TNS1: variants seen among roughly 807,000 people sequenced by gnomAD.
The protein encoded by TNS1 is tensin-1.
Under a neutral mutation model 168.6 loss-of-function variants are expected in TNS1, and 62 were observed. The ratio of observed to expected loss-of-function variants is 0.37; its 90% CI spans 0.30 to 0.45. The LOEUF is 0.45. TNS1 is among the 20% of genes least tolerant of loss of function. The pLI, the probability that TNS1 is intolerant of heterozygous loss-of-function variation, is 1.00. For synonymous variants in TNS1, 934 were observed against 933.2 expected (o/e 1.00, Z -0.02); for missense variants, 2,240 against 2,339.4 (o/e 0.96, Z 0.88).
At chr2:217,860,585 C>G (rs1406868196) in intron 18 of TNS1, among the ~76,000 whole-genome samples, 1 of 152,182 alleles carries the variant, frequency 6.6e-6, no homozygotes, top group African/African-American at 2.4e-5. Flanking sequence ...CCCAACCAAC[C>G]CACAACAGTA....
At chr2:217,888,725 T>C (rs938666110) in intron 12 of TNS1, among the ~76,000 whole-genome samples, 32 of 152,340 alleles carry the variant, frequency 2.1e-4, no homozygotes, top group Admixed American at 1.2e-3. Context: ...CCATGTGAGA[T>C]TTGCCTTTCA....
chr2:217,976,391 C>A (rs972922974), intron 3 of TNS1, among the ~76,000 whole-genome samples: 2 of 152,216 alleles, frequency 1.3e-5, no homozygotes, highest in African/African-American at 2.4e-5. Context: ...CCCTTCCCAG[C>A]AGGAGGAAAA....
At chr2:217,978,926 G>C (rs928800167) in intron 2 of TNS1, 124 bp from the exon 3 acceptor site, 6 of 678,474 alleles carry the variant, frequency 8.8e-6, no homozygotes, top group Non-Finnish European at 1.3e-5. Flanking sequence ...AAGGAGGGAC[G>C]GAGGGAAGGA....
At chr2:217,938,198 G>A (rs865811801) in intron 3 of TNS1, among the ~76,000 whole-genome samples, 30 of 152,320 alleles carry the variant, frequency 2.0e-4, no homozygotes, top group African/African-American at 6.5e-4. Context: ...GCAACTGGGC[G>A]GGCCAGGGGT....
rs1957168753 is a variant in TNS1, at chr2:217,948,518, G to A, written c.187-28282C>T. Among the ~76,000 whole-genome samples, 1 of 152,158 alleles carries A rather than the reference G, an allele frequency of 6.6e-6. No individual in the cohort carries two copies. ...AGGCATGCAATGTCTATGCATTTGA[G>A]CTGTACCTTCCCTCTTCTGACCATG... On this transcript the variant is annotated intron_variant, in intron 3 of 32. Coordinates refer to ENST00000682258, the MANE Select transcript of TNS1 (RefSeq NM_001387777.1). The surrounding 1 kb of genome is among the most constrained non-coding windows in gnomAD (Gnocchi z 4.1).
intron 4 of TNS1, among the ~76,000 whole-genome samples, chr2:217,918,869 C>T (rs1385069718): frequency 1.3e-5 from 2 of 152,170 alleles, no homozygotes; most frequent in Non-Finnish European, 2.9e-5. Context: ...CCAGATGACC[C>T]TCCACTGGGC....
intron 10 of TNS1, among the ~76,000 whole-genome samples, 159 bp downstream of exon 10, chr2:217,893,280 C>T (rs1951920614): frequency 6.6e-6 from 1 of 152,198 alleles, no homozygotes; most frequent in South Asian, 2.1e-4. Flanking sequence ...AACCTATTAT[C>T]CCCTAGAAAG....
intron 32 of TNS1, among the ~76,000 whole-genome samples, chr2:217,805,608 A>AC (rs1938726516): frequency 1.6e-5 from 1 of 62,932 alleles, no homozygotes; most frequent in Non-Finnish European, 3.4e-5. Context: ...CACACCACAC[A>AC]CACCACACAC....
intron 3 of TNS1, among the ~76,000 whole-genome samples, chr2:217,964,306 T>C (rs1957570535): frequency 6.6e-6 from 1 of 152,270 alleles, no homozygotes; most frequent in Admixed American, 6.5e-5. Context: ...TTATGACTAT[T>C]ACAGATCAAG....
chr2:217,841,310 G>A (rs908971639), intron 19 of TNS1: 10 of 983,894 alleles, frequency 1.0e-5, no homozygotes, highest in Non-Finnish European at 1.1e-5. Flanking sequence ...CCCCAGGGGA[G>A]CCAGCAGGGA....
intron 3 of TNS1, among the ~76,000 whole-genome samples, chr2:217,963,088 T>G (rs1957539164): frequency 1.3e-5 from 2 of 152,208 alleles, no homozygotes; most frequent in Admixed American, 6.5e-5. Context: ...ACTTGGGTTC[T>G]AAGGAAGGCA....
intron 28 of TNS1, among the ~76,000 whole-genome samples, chr2:217,810,807 G>A (rs1417849535): frequency 6.6e-6 from 1 of 151,886 alleles, no homozygotes; most frequent in Non-Finnish European, 1.5e-5. Flanking sequence ...ATTGAGTGAT[G>A]GATATATTAG....
In TNS1 at chr2:217,960,827, G is replaced by A. The variant is rs558401654; in HGVS notation, c.186+17938C>T. Among the ~76,000 whole-genome samples, 4 of 152,166 alleles carry A rather than the reference G, an allele frequency of 2.6e-5. No individual in the cohort carries two copies. The East Asian group carries it at 7.7e-4, about 29-fold the overall frequency. On this transcript the variant is annotated intron_variant, in intron 3 of 32. Coordinates refer to ENST00000682258, the MANE Select transcript of TNS1 (RefSeq NM_001387777.1). ...TGCAGTTCGATCTGTTTCCCCCTAG[G>A]CTGTCCTCCAGGAAGACCAAGAAAA...
intron 1 of TNS1, among the ~76,000 whole-genome samples, chr2:218,008,721 G>A (rs1365050659): frequency 6.6e-6 from 1 of 152,190 alleles, no homozygotes. Context: ...CTGGGAGAAG[G>A]AGCTAAAAGT....
chr2:217,901,032 C>A (rs1406311536), intron 6 of TNS1, among the ~76,000 whole-genome samples: 1 of 152,110 alleles, frequency 6.6e-6, no homozygotes, highest in Admixed American at 6.5e-5. Flanking sequence ...ATGCAGGAAC[C>A]AAGACGAGGC....
At position 217,856,450 on chromosome 2, in the gene TNS1, T is replaced by C. The variant is rs117021595; in HGVS notation, c.1430-7363A>G. On this transcript the variant is annotated intron_variant, in intron 18 of 32. Coordinates refer to ENST00000682258, the MANE Select transcript of TNS1 (RefSeq NM_001387777.1). ...TTCCCTTCCCACAGACAGCTGGGGA[T>C]TGAGGCAGCCCTTTGTTCCCCACAG... Among the ~76,000 whole-genome samples, 694 of 152,264 alleles carry C rather than the reference T, an allele frequency of 4.6e-3. 4 individuals are homozygous for C. The highest frequency in any genetic ancestry group is 0.022 in the East Asian group (114 of 5,172).
intron 6 of TNS1, among the ~76,000 whole-genome samples, chr2:217,902,877 G>A (rs1279868629): frequency 6.6e-6 from 1 of 152,134 alleles, no homozygotes; most frequent in African/African-American, 2.4e-5. Context: ...AAAGTTTGGG[G>A]GCACGTGACC....
At chr2:217,921,886 G>A (rs921026591) in intron 3 of TNS1, among the ~76,000 whole-genome samples, 4 of 152,138 alleles carry the variant, frequency 2.6e-5, no homozygotes, top group Non-Finnish European at 4.4e-5. Flanking sequence ...GTTGCGGTGC[G>A]CGGGGCATGG....
chr2:217,891,709 G>T (rs1951761674), intron 11 of TNS1, among the ~76,000 whole-genome samples: 1 of 152,170 alleles, frequency 6.6e-6, no homozygotes, highest in Non-Finnish European at 1.5e-5. Flanking sequence ...AGGCCGCGAG[G>T]CCCCATGGCT....
Sources: gnomAD v4.1 joint callset for allele counts (sites outside exome capture counted in the v4.1 genomes callset) on GRCh38, gnomAD v4.1.1 for gene constraint, Gnocchi (gnomAD v3.1) non-coding constraint, MANE v1.5 for transcripts, NCBI Gene and HGNC (gene_info 2026-07-23, HGNC 2026-07-21) for gene names.